NTM: variants seen among roughly 807,000 people sequenced by gnomAD.
NTM encodes the protein neurotrimin, also known as IgLON family member 2.
A neutral mutation model predicts 42.1 loss-of-function variants in NTM; 13 were observed. That is an observed-to-expected ratio of 0.31 (90% CI 0.20 to 0.49). The LOEUF (loss-of-function observed/expected upper bound fraction) is 0.49, where lower values mean the gene tolerates loss of function less well. Among genes scored for constraint, NTM ranks in the 20% least tolerant of loss-of-function variants. The pLI is 0.99. For synonymous variants in NTM, 187 were observed against 179.2 expected (o/e 1.04, Z -0.35); for missense variants, 373 against 452.8 (o/e 0.82, Z 1.60).
chr11:131,860,696 G>T (rs1172387709), intron 1 of NTM, among the ~76,000 whole-genome samples: 1 of 152,188 alleles, frequency 6.6e-6, no homozygotes, highest in Non-Finnish European at 1.5e-5. Flanking sequence ...GACCAACCAT[G>T]CAAGCAGGCC....
chr11:131,536,188 C>G (rs1325451821), intron 1 of NTM: 1 of 152,172 alleles, frequency 6.6e-6, no homozygotes, highest in Non-Finnish European at 1.5e-5. Flanking sequence ...AAGAGATGGG[C>G]AGGGGTACAA....
chr11:131,603,268 T>A (rs1212480948), intron 1 of NTM, among the ~76,000 whole-genome samples: 1 of 151,732 alleles, frequency 6.6e-6, no homozygotes, highest in East Asian at 1.9e-4. Flanking sequence ...CTTCAGAGTC[T>A]TGACTTTATC....
intron 1 of NTM, among the ~76,000 whole-genome samples, chr11:131,786,015 G>A (rs549003836): frequency 2.8e-4 from 43 of 152,322 alleles, no homozygotes; most frequent in African/African-American, 1.0e-3. Context: ...GGAAAGTTGA[G>A]GAGACAGACA....
chr11:132,097,789 T>C (rs538821356), intron 2 of NTM, among the ~76,000 whole-genome samples: 8 of 152,318 alleles, frequency 5.3e-5, no homozygotes, highest in African/African-American at 1.9e-4. Context: ...ATGCAGGTCA[T>C]TGTGATGAGG....
intron 2 of NTM, among the ~76,000 whole-genome samples, chr11:132,020,922 TATC>T (rs2074235956): frequency 6.6e-6 from 1 of 152,170 alleles, no homozygotes; most frequent in Admixed American, 6.5e-5. Flanking sequence ...GTTTTTTAGA[TATC>T]TAGATTAGTG....
chr11:131,646,572 T>C (rs539133924), intron 1 of NTM, among the ~76,000 whole-genome samples: 2 of 152,376 alleles, frequency 1.3e-5, no homozygotes, highest in Admixed American at 1.3e-4. Context: ...AGATTTTTTA[T>C]TGTGCTCTAC....
intron 1 of NTM, among the ~76,000 whole-genome samples, chr11:131,473,026 CAATG>C (rs1952592003): frequency 1.3e-5 from 2 of 152,124 alleles, no homozygotes; most frequent in African/African-American, 4.8e-5. Context: ...ATACTAATAA[CAATG>C]AAAATAATAG....
intron 1 of NTM, among the ~76,000 whole-genome samples, chr11:131,505,381 G>A (rs1053835420): frequency 1.3e-5 from 2 of 152,156 alleles, no homozygotes; most frequent in African/African-American, 4.8e-5. Context: ...ATCAAAGTAT[G>A]GTTCCCCAAA....
intron 1 of NTM, among the ~76,000 whole-genome samples, chr11:131,896,619 C>T (rs1333073152): frequency 6.7e-6 from 1 of 149,768 alleles, no homozygotes; most frequent in Non-Finnish European, 1.5e-5. Flanking sequence ...GGAGAATTAG[C>T]GAATATTAAA....
chr11:131,660,475 G>A (rs962761823), intron 1 of NTM: 5 of 457,204 alleles, frequency 1.1e-5, no homozygotes, highest in African/African-American at 8.0e-5. Context: ...ACCCTGCAGG[G>A]AGCTGACCTT....
At chr11:131,911,019 G>A in intron 1 of NTM, 1 of 1,022,500 alleles carries the variant, frequency 9.8e-7, no homozygotes, top group African/African-American at 1.7e-5. Flanking sequence ...CAAAGTGTTG[G>A]ATGTCCCCCG....
chr11:132,313,050 C>A (rs1006050611), intron 6 of NTM, among the ~76,000 whole-genome samples: 1 of 152,116 alleles, frequency 6.6e-6, no homozygotes, highest in African/African-American at 2.4e-5. Flanking sequence ...GTGAGAACTC[C>A]GGCCAGAACC....
At position 131,802,987 on chromosome 11, in the gene NTM, G is replaced by C. The variant is rs150215382; in HGVS notation, c.83-108577G>C. On this transcript the variant is annotated intron_variant, in intron 1 of 8. Transcript: ENST00000683400. ...AGATGCAGCCCAGCTCCAGATTGTC[G>C]AGTACTGAAAGGACTATAGGCATCA... is the stretch of plus-strand genomic sequence containing the variant. 3.9e-5 allele frequency among the ~76,000 whole-genome samples: 6 copies of C among 152,236 alleles called. 1 individual carries two copies. Among genetic ancestry groups the C allele is most frequent in the African/African-American group, 7.2e-5 (3 of 41,554 alleles).
chr11:131,734,731 C>T (rs1211965928), intron 1 of NTM, among the ~76,000 whole-genome samples: 1 of 152,132 alleles, frequency 6.6e-6, no homozygotes, highest in Non-Finnish European at 1.5e-5. Flanking sequence ...CTATGAACAT[C>T]ATTATTAATA....
intron 2 of NTM, among the ~76,000 whole-genome samples, chr11:132,076,098 T>C (rs144589038): frequency 6.6e-6 from 1 of 152,342 alleles, no homozygotes; most frequent in African/African-American, 2.4e-5. Flanking sequence ...GTTGTTGAAA[T>C]AGCTGTCTTC....
chr11:132,328,922 A>G (rs1026197581), intron 7 of NTM, among the ~76,000 whole-genome samples: 13 of 152,058 alleles, frequency 8.5e-5, no homozygotes, highest in Admixed American at 3.3e-4. Context: ...GCTTTTCCCT[A>G]CCGTCCTGCA....
At chr11:131,708,231 A>T (rs1209826180) in intron 1 of NTM, among the ~76,000 whole-genome samples, 1 of 152,168 alleles carries the variant, frequency 6.6e-6, no homozygotes, top group African/African-American at 2.4e-5. Context: ...ATAAGAAAAA[A>T]CATGAATTCT....
chr11:132,328,619 C>T (rs774359481), intron 7 of NTM, among the ~76,000 whole-genome samples: 21 of 152,086 alleles, frequency 1.4e-4, no homozygotes, highest in Non-Finnish European at 2.4e-4. Flanking sequence ...ACAGTCTGAA[C>T]CAGTACGCCC....
chr11:131,466,005 T>C (rs973466115), intron 1 of NTM, among the ~76,000 whole-genome samples: 1 of 152,038 alleles, frequency 6.6e-6, no homozygotes, highest in African/African-American at 2.4e-5. Flanking sequence ...TCTGCAGGAG[T>C]GTCAGGCAAA....
Sources: gnomAD v4.1 joint callset for allele counts (sites outside exome capture counted in the v4.1 genomes callset) on GRCh38, gnomAD v4.1.1 for gene constraint, MANE v1.5 for transcripts, NCBI Gene and HGNC (gene_info 2026-07-23, HGNC 2026-07-21) for gene names.